Variants in KCNQ3 observed in about 807,000 individuals in gnomAD.
The protein encoded by KCNQ3 is potassium voltage-gated channel subfamily KQT member 3.
A neutral mutation model predicts 92.5 loss-of-function variants in KCNQ3; 30 were observed. The observed-to-expected ratio is 0.32, with a 90% confidence interval of 0.24 to 0.44. KCNQ3 has a LOEUF of 0.44. Ranked by LOEUF, KCNQ3 falls within the 20% of genes least tolerant of loss-of-function variation. The pLI is 1.00. For missense variants in KCNQ3, 913 were observed against 1,140.3 expected (o/e 0.80, Z 2.87); for synonymous variants, 450 against 468.8 (o/e 0.96, Z 0.52).
At position 132,129,411 on chromosome 8, in the gene KCNQ3, A is replaced by AC. The variant is rs886041208; in HGVS notation, c.2469dup (p.Ser824ValfsTer14). On this transcript the variant is annotated frameshift_variant, in exon 15 of 15. Coordinates refer to ENST00000388996, the MANE Select transcript of KCNQ3 (RefSeq NM_004519.4). LOFTEE classifies it high-confidence loss of function. The surrounding 1 kb of genome is among the most constrained non-coding windows in gnomAD (Gnocchi z 5.9). ...TACCGCTTCTCCCTCATCCAGCTCGACCCCCCATTGGGGCCGAACACATAA... is the reference window on the plus strand; with the variant it reads ...TACCGCTTCTCCCTCATCCAGCTCGACCCCCCCATTGGGGCCGAACACATAA... 2.5e-6 allele frequency: 4 copies of AC among 1,613,448 alleles called. No individual in the cohort carries two copies. The highest frequency in any genetic ancestry group is 3.4e-6 in the Non-Finnish European group (4 of 1,179,930).
At chr8:132,388,002 A>G (rs368197982) in intron 1 of KCNQ3, among the ~76,000 whole-genome samples, 1 of 126,340 alleles carries the variant, frequency 7.9e-6, no homozygotes, top group African/African-American at 3.3e-5. Context: ...AGGAAGAAGA[A>G]GAAGAGGAAG....
intron 1 of KCNQ3, among the ~76,000 whole-genome samples, chr8:132,340,683 C>A (rs993239255): frequency 3.3e-5 from 5 of 152,028 alleles, no homozygotes; most frequent in Non-Finnish European, 2.9e-5. Flanking sequence ...GGCTTAACAC[C>A]TAGATGATGG....
chr8:132,342,647 C>T (rs985418472), intron 1 of KCNQ3, among the ~76,000 whole-genome samples: 1 of 152,206 alleles, frequency 6.6e-6, no homozygotes, highest in African/African-American at 2.4e-5. Context: ...AGTTTGCCAC[C>T]AGTTTCCTGC....
intron 1 of KCNQ3, among the ~76,000 whole-genome samples, chr8:132,242,921 C>G (rs1013319114): frequency 6.6e-6 from 1 of 152,206 alleles, no homozygotes; most frequent in Admixed American, 6.5e-5. Context: ...GGAGGTAGCT[C>G]TGGGTTTAAT....
intron 1 of KCNQ3, among the ~76,000 whole-genome samples, chr8:132,303,254 A>G (rs958907447): frequency 6.6e-6 from 1 of 151,996 alleles, no homozygotes; most frequent in Non-Finnish European, 1.5e-5. Flanking sequence ...TAAAGCACTC[A>G]TTTGCAAATC....
Position 132,123,125 on chromosome 8 carries a change from C to A in KCNQ3, c.*6137G>T, listed in dbSNP as rs1262297988. ...GAAATCATGCCTGACTTCCTAAAAT[C>A]AAAACCATAGGGATTTATCAAGAAG... is the stretch of plus-strand genomic sequence containing the variant. On this transcript the variant is annotated 3_prime_UTR_variant, in exon 15 of 15. Transcript: ENST00000388996. 2.0e-5 allele frequency: 3 copies of A among 152,158 alleles called. No homozygotes were observed. The highest frequency in any genetic ancestry group is 7.2e-5 in the African/African-American group (3 of 41,426). 9.4% of individuals were successfully genotyped at this position (152,158 alleles called of 1,614,324 possible). A position where few individuals can be genotyped will look rare whatever the true frequency, so the allele number is the denominator to read the frequency against.
chr8:132,357,247 G>C (rs1819042383), intron 1 of KCNQ3, among the ~76,000 whole-genome samples: 1 of 152,206 alleles, frequency 6.6e-6, no homozygotes, highest in Non-Finnish European at 1.5e-5. Flanking sequence ...CCAAGAAAAG[G>C]GCTGGGAGTG....
At chr8:132,206,922 T>A (rs1342897585) in intron 1 of KCNQ3, among the ~76,000 whole-genome samples, 3 of 152,218 alleles carry the variant, frequency 2.0e-5, no homozygotes, top group African/African-American at 7.2e-5. Context: ...TTCTTTAAGA[T>A]GCATTCTTAG....
intron 1 of KCNQ3, among the ~76,000 whole-genome samples, chr8:132,452,065 T>C (rs1037992129): frequency 6.6e-6 from 1 of 152,084 alleles, no homozygotes; most frequent in Non-Finnish European, 1.5e-5. Flanking sequence ...GTTTTTCGTT[T>C]GTTTGTCACT....
intron 1 of KCNQ3, among the ~76,000 whole-genome samples, chr8:132,422,027 C>T (rs941183129): frequency 6.6e-6 from 1 of 152,172 alleles, no homozygotes; most frequent in African/African-American, 2.4e-5. Context: ...ATACCCTCCA[C>T]TCAGAGCTAC....
chr8:132,123,952 C>A lies in KCNQ3; in HGVS notation c.*5310G>T, dbSNP rs947048093. 5.3e-5 allele frequency: 8 copies of A among 152,182 alleles called. No individual in the cohort carries two copies. Among genetic ancestry groups the A allele is most frequent in the African/African-American group, 1.9e-4 (8 of 41,448 alleles). 9.4% of individuals were successfully genotyped at this position (152,182 alleles called of 1,614,324 possible). The stretch of plus-strand genomic sequence containing the variant: ...CTTCTGCAAGTTCCCCCATTCATTG[C>A]TAGGGTGTTGTCTGATAGCCACCAT... On this transcript the variant is annotated 3_prime_UTR_variant, in exon 15 of 15. Transcript: ENST00000388996.
At chr8:132,309,780 G>A (rs187374827) in intron 1 of KCNQ3, among the ~76,000 whole-genome samples, 1 of 152,084 alleles carries the variant, frequency 6.6e-6, no homozygotes, top group African/African-American at 2.4e-5. Flanking sequence ...TTACAAACTG[G>A]TCCCCTCTGT....
In KCNQ3 at chr8:132,184,283, G is replaced by C; in HGVS notation, c.562C>G (p.Arg188Gly). The C allele has an allele frequency of 6.2e-7, 1 of 1,614,132 alleles. No individual in the cohort carries two copies. The highest frequency in any genetic ancestry group is 8.5e-7 in the Non-Finnish European group (1 of 1,180,026). Residue 188 changes from arginine (R) to glycine (G), a missense_variant, in exon 3 of 15, where the codon CGG (arginine) becomes GGG (glycine). By Grantham distance (125) the Arg-to-Gly change is moderately radical. Transcript: ENST00000388996. ...TTCCTGGCAAACTTCAGTCGGCCCCGCCAGCCTTTGTATCGGCAGCAACAT... is the reference window on the plus strand; with the variant it reads ...TTCCTGGCAAACTTCAGTCGGCCCCCCCAGCCTTTGTATCGGCAGCAACAT... ...AGCCCRYKGW[R>G]GRLKFARKPL... is the part of the protein sequence containing the mutation.
chr8:132,138,447 G>T (rs1825176901), intron 11 of KCNQ3, among the ~76,000 whole-genome samples: 1 of 152,186 alleles, frequency 6.6e-6, no homozygotes, highest in African/African-American at 2.4e-5. Context: ...CAAGGCTGGT[G>T]CTCTTAATCA....
intron 1 of KCNQ3, among the ~76,000 whole-genome samples, chr8:132,429,364 G>A (rs1160098093): frequency 1.3e-5 from 2 of 152,146 alleles, no homozygotes; most frequent in African/African-American, 4.8e-5. Context: ...TATGACAGAT[G>A]ATAAAACTAA....
rs751227909 is a variant in KCNQ3, at chr8:132,396,426, G to GA, written c.386+83720dup. ...CTCAGAGCCATGAACTTGGTAACAG[G>GA]AAAAAAAAAAAAAACCCAGAGCCTG... is the stretch of plus-strand genomic sequence containing the variant. On this transcript the variant is annotated intron_variant, in intron 1 of 14. Coordinates refer to ENST00000388996, the MANE Select transcript of KCNQ3 (RefSeq NM_004519.4). Among the ~76,000 whole-genome samples the GA allele has an allele frequency of 7.5e-3, 1,009 of 134,062 alleles. 7 individuals are homozygous for GA. Among genetic ancestry groups the GA allele is most frequent in the African/African-American group, 0.016 (601 of 36,774 alleles). The allele number at this position is 134,062 out of a possible 152,430, so 87.9% of individuals were successfully genotyped here.
At position 132,128,997 on chromosome 8, in the gene KCNQ3, C is replaced by A; in HGVS notation, c.*265G>T. ...CAATCGTGATTAAAAGTAAGAACAG[C>A]AGATAAATGTGTATCCTAGAAGAGA... On this transcript the variant is annotated 3_prime_UTR_variant, in exon 15 of 15. Coordinates refer to ENST00000388996, the MANE Select transcript of KCNQ3 (RefSeq NM_004519.4). 1 of 522,816 alleles carries A rather than the reference C, an allele frequency of 1.9e-6. No homozygotes were observed. Among genetic ancestry groups the A allele is most frequent in the Non-Finnish European group, 3.4e-6 (1 of 290,562 alleles). 32.4% of individuals were successfully genotyped at this position (522,816 alleles called of 1,614,324 possible). A position where few individuals can be genotyped will look rare whatever the true frequency, so the allele number is the denominator to read the frequency against.
intron 1 of KCNQ3, among the ~76,000 whole-genome samples, chr8:132,391,140 T>C (rs187279165): frequency 2.3e-3 from 344 of 152,336 alleles, no homozygotes; most frequent in Middle Eastern, 0.014. Context: ...CCTTCTTTTC[T>C]TGATTCTGCT....
At chr8:132,356,192 G>T (rs927830263) in intron 1 of KCNQ3, among the ~76,000 whole-genome samples, 3 of 152,186 alleles carry the variant, frequency 2.0e-5, no homozygotes, top group Admixed American at 1.3e-4. Context: ...TCAGAAAGTA[G>T]CAGAAGACAC....
Sources: gnomAD v4.1 joint callset for allele counts (sites outside exome capture counted in the v4.1 genomes callset) on GRCh38, gnomAD v4.1.1 for gene constraint, Gnocchi (gnomAD v3.1) non-coding constraint, MANE v1.5 for transcripts, NCBI Gene and HGNC (gene_info 2026-07-23, HGNC 2026-07-21) for gene names.